The following CNTN5 variants were observed in gnomAD, a reference collection of about 807,000 sequenced individuals.
CNTN5 encodes contactin 5, also known as contactin-5.
A neutral mutation model predicts 129.1 loss-of-function variants in CNTN5; 77 were observed. That is an observed-to-expected ratio of 0.60 (90% CI 0.50 to 0.72). The LOEUF (loss-of-function observed/expected upper bound fraction) is 0.72, where lower values mean the gene tolerates loss of function less well. Ranked by LOEUF, CNTN5 falls within the 30% of genes least tolerant of loss-of-function variation. The pLI is 0.00. For missense variants in CNTN5, 1,478 were observed against 1,328.8 expected (o/e 1.11, Z -1.75); for synonymous variants, 509 against 465.6 (o/e 1.09, Z -1.20).
chr11:99,552,916 A>G (rs1276796545), intron 2 of CNTN5, among the ~76,000 whole-genome samples: 1 of 152,138 alleles, frequency 6.6e-6, no homozygotes, highest in Admixed American at 6.6e-5. Flanking sequence ...GAAATATACT[A>G]TTATTACTTG....
intron 2 of CNTN5, among the ~76,000 whole-genome samples, chr11:99,340,650 G>C (rs1307124633): frequency 6.6e-6 from 1 of 152,188 alleles, no homozygotes; most frequent in Non-Finnish European, 1.5e-5. Flanking sequence ...TGGTTGAACT[G>C]AAAGCCTGGT....
intron 1 of CNTN5, among the ~76,000 whole-genome samples, chr11:99,069,028 C>T (rs528462300): frequency 1.3e-5 from 2 of 152,022 alleles, no homozygotes; most frequent in East Asian, 1.9e-4. Flanking sequence ...TGGTGGTTGG[C>T]GATGACTCAT....
intron 21 of CNTN5, among the ~76,000 whole-genome samples, chr11:100,321,296 T>TA (rs1192807689): frequency 6.6e-6 from 1 of 151,722 alleles, no homozygotes; most frequent in Admixed American, 6.6e-5. Context: ...TAAGTATTTT[T>TA]TTTTTTTTTT....
At chr11:99,517,799 C>T (rs1007275706) in intron 2 of CNTN5, among the ~76,000 whole-genome samples, 1 of 152,096 alleles carries the variant, frequency 6.6e-6, no homozygotes, top group Admixed American at 6.6e-5. Context: ...GCCCACCTAA[C>T]TTTAGTTTCA....
chr11:99,678,890 C>T lies in CNTN5; in HGVS notation c.55+122621C>T, dbSNP rs564808963. 1.1e-4 allele frequency among the ~76,000 whole-genome samples: 16 copies of T among 150,938 alleles called. No homozygotes were observed. In the East Asian group the frequency reaches 2.1e-3, roughly 20 times the overall value. On this transcript the variant is annotated intron_variant, in intron 3 of 24. Coordinates refer to ENST00000524871, the MANE Select transcript of CNTN5 (RefSeq NM_014361.4). ...ACCAAGAGAAATTAAGATATATAAC[C>T]TTTTTTTGTATTCCATTCCAACCAC...
At chr11:99,328,290 G>T (rs1215034913) in intron 2 of CNTN5, among the ~76,000 whole-genome samples, 1 of 152,134 alleles carries the variant, frequency 6.6e-6, no homozygotes, top group East Asian at 1.9e-4. Context: ...ATACTCGAAA[G>T]AATTTCTTAG....
intron 8 of CNTN5, among the ~76,000 whole-genome samples, chr11:99,982,053 T>C (rs535960566): frequency 2.0e-5 from 3 of 152,340 alleles, no homozygotes; most frequent in East Asian, 1.9e-4. Context: ...ACTGTGGTTA[T>C]AGAAAATATT....
chr11:100,040,591 G>A (rs1482910535), intron 9 of CNTN5, among the ~76,000 whole-genome samples: 3 of 152,200 alleles, frequency 2.0e-5, no homozygotes, highest in Non-Finnish European at 4.4e-5. Context: ...AGGCAGGCAG[G>A]CCTCCTTGAG....
chr11:99,820,890 G>A (rs1208585203), intron 4 of CNTN5, among the ~76,000 whole-genome samples: 1 of 152,170 alleles, frequency 6.6e-6, no homozygotes, highest in Non-Finnish European at 1.5e-5. Context: ...AAGATTCTGG[G>A]AATGTCAATT....
intron 3 of CNTN5, among the ~76,000 whole-genome samples, chr11:99,738,739 A>T (rs978824293): frequency 1.3e-5 from 2 of 151,952 alleles, no homozygotes; most frequent in Non-Finnish European, 2.9e-5. Context: ...ATGCCACAGG[A>T]CCTGGGGCTT....
chr11:99,868,961 G>T (rs1273360361), intron 6 of CNTN5, among the ~76,000 whole-genome samples: 1 of 152,162 alleles, frequency 6.6e-6, no homozygotes, highest in Non-Finnish European at 1.5e-5. Context: ...GGCAATAGCA[G>T]TGATTTCAAA....
intron 21 of CNTN5, among the ~76,000 whole-genome samples, chr11:100,328,119 G>C (rs1192537069): frequency 1.3e-5 from 2 of 152,072 alleles, no homozygotes; most frequent in East Asian, 3.9e-4. Context: ...GGGAGGCCAA[G>C]GCAGTAGGAC....
chr11:99,981,103 T>TATATATATATACAC (rs1014330113), intron 8 of CNTN5, among the ~76,000 whole-genome samples: 1 of 54,532 alleles, frequency 1.8e-5, no homozygotes, highest in Non-Finnish European at 3.3e-5. Context: ...TATATATATA[T>TATATATATATACAC]ACACACACAC....
At chr11:99,557,491 T>G (rs1948711033) in intron 3 of CNTN5, among the ~76,000 whole-genome samples, 1 of 151,472 alleles carries the variant, frequency 6.6e-6, no homozygotes, top group Admixed American at 6.6e-5. Flanking sequence ...AATTAAGTCT[T>G]TCCTGTATTG....
At chr11:99,335,161 C>G (rs1866168415) in intron 2 of CNTN5, among the ~76,000 whole-genome samples, 1 of 152,110 alleles carries the variant, frequency 6.6e-6, no homozygotes, top group Non-Finnish European at 1.5e-5. Flanking sequence ...ATGATTGATT[C>G]TCACAGCAAC....
chr11:99,880,617 T>G (rs1334439466), intron 6 of CNTN5, among the ~76,000 whole-genome samples: 1 of 152,184 alleles, frequency 6.6e-6, no homozygotes, highest in African/African-American at 2.4e-5. Context: ...ACAATTGAAA[T>G]TGAAGGTGTA....
intron 1 of CNTN5, among the ~76,000 whole-genome samples, chr11:99,104,660 A>G (rs1337989990): frequency 6.6e-6 from 1 of 151,880 alleles, no homozygotes; most frequent in African/African-American, 2.4e-5. Context: ...ATATATATCA[A>G]AACATCAGAT....
intron 9 of CNTN5, among the ~76,000 whole-genome samples, chr11:100,017,502 T>C (rs941688987): frequency 6.6e-6 from 1 of 151,994 alleles, no homozygotes; most frequent in Non-Finnish European, 1.5e-5. Flanking sequence ...GACTGTATCT[T>C]GAATGTGATA....
chr11:99,644,377 T>C (rs895723943), intron 3 of CNTN5, among the ~76,000 whole-genome samples: 12 of 152,292 alleles, frequency 7.9e-5, no homozygotes, highest in African/African-American at 2.6e-4. Context: ...GTCCTTGAAA[T>C]GTGGAAGAAT....
Sources: allele counts gnomAD v4.1 joint callset (sites outside exome capture counted in the v4.1 genomes callset), GRCh38; gene constraint gnomAD v4.1.1; transcripts MANE v1.5; gene names NCBI Gene and HGNC (gene_info 2026-07-23, HGNC 2026-07-21).